ABLIM1: variants seen among roughly 807,000 people sequenced by gnomAD.
ABLIM1 encodes the protein actin binding LIM protein 1, also known as actin-binding LIM protein 1.
Under a neutral mutation model 107.0 loss-of-function variants are expected in ABLIM1, and 40 were observed. The ratio of observed to expected loss-of-function variants is 0.37; its 90% CI spans 0.29 to 0.49. The LOEUF is 0.49. Ranked by LOEUF, ABLIM1 falls within the 20% of genes least tolerant of loss-of-function variation. The pLI, the probability that ABLIM1 is intolerant of heterozygous loss-of-function variation, is 0.97. For missense variants in ABLIM1, 857 were observed against 1,008.5 expected, an observed-to-expected ratio of 0.85 and a Z score of 2.04; for synonymous variants, 357 against 357.3, an observed-to-expected ratio of 1.00 and a Z score of 0.01.
the ABLIM1 span, among the ~76,000 whole-genome samples, chr10:114,798,556 A>ACACC: frequency 1.6e-5 from 2 of 125,996 alleles, no homozygotes; most frequent in African/African-American, 6.5e-5. Context: ...AGATGATGAG[A>ACACC]CCCCCCCCCC....
intron 4 of ABLIM1, among the ~76,000 whole-genome samples, chr10:114,552,671 C>T (rs372332549): frequency 1.1e-3 from 174 of 152,260 alleles, no homozygotes; most frequent in African/African-American, 3.8e-3. Context: ...AATTAATATC[C>T]TTGACAATAG....
chr10:114,461,577 A>G (rs1330285394), intron 12 of ABLIM1, among the ~76,000 whole-genome samples: 4 of 152,088 alleles, frequency 2.6e-5, no homozygotes, highest in African/African-American at 4.8e-5. Context: ...CCAGCACGTT[A>G]GGAGGTCAAG....
chr10:114,799,779 A>AT, the ABLIM1 span, among the ~76,000 whole-genome samples: 6,720 of 150,058 alleles, frequency 0.045, 210 homozygotes, highest in African/African-American at 0.079. Context: ...ATCTGGAATG[A>AT]TTTTTTTTTT....
chr10:114,702,115 G>A (rs2081318287), intron 1 of ABLIM1, among the ~76,000 whole-genome samples: 1 of 151,948 alleles, frequency 6.6e-6, no homozygotes. Context: ...TAATAGTTTG[G>A]GCTTAAAAAA....
intron 1 of ABLIM1, among the ~76,000 whole-genome samples, chr10:114,730,252 G>A (rs79826969): frequency 0.04 from 6,151 of 151,964 alleles, 438 homozygotes; most frequent in African/African-American, 0.14. Flanking sequence ...ACAAAAATTA[G>A]CCAGGTGTGG....
intron 1 of ABLIM1, among the ~76,000 whole-genome samples, chr10:114,625,162 G>T (rs961448588): frequency 1.2e-4 from 19 of 152,174 alleles, no homozygotes; most frequent in African/African-American, 4.3e-4. Flanking sequence ...AAATCCAAGG[G>T]CAGGTAGGGG....
intron 1 of ABLIM1, among the ~76,000 whole-genome samples, chr10:114,744,771 C>A (rs1046016835): frequency 6.6e-6 from 1 of 152,162 alleles, no homozygotes; most frequent in African/African-American, 2.4e-5. Flanking sequence ...TTTTGGGTAG[C>A]ATCATTCTTT....
intron 15 of ABLIM1, among the ~76,000 whole-genome samples, chr10:114,447,664 G>C (rs2061218921): frequency 6.6e-6 from 1 of 152,204 alleles, no homozygotes; most frequent in Non-Finnish European, 1.5e-5. Flanking sequence ...AGTGGGTTTG[G>C]TTAGAACAAG....
chr10:114,627,242 C>CT, intron 1 of ABLIM1, among the ~76,000 whole-genome samples: 1 of 152,240 alleles, frequency 6.6e-6, no homozygotes, highest in East Asian at 1.9e-4. Context: ...CTACCATTCT[C>CT]TTTTCATTTC....
intron 12 of ABLIM1, chr10:114,463,080 G>T: frequency 7.5e-7 from 1 of 1,341,090 alleles, no homozygotes; most frequent in East Asian, 4.7e-5. Flanking sequence ...TCGGAAAGGG[G>T]GGTTGGGGCG....
intron 11 of ABLIM1, among the ~76,000 whole-genome samples, chr10:114,466,616 C>G (rs188788118): frequency 1.3e-5 from 2 of 152,160 alleles, no homozygotes; most frequent in Non-Finnish European, 2.9e-5. Context: ...TCGTTCTGAC[C>G]ACCAACCAAA....
chr10:114,520,037 A>T (rs1246920621), intron 6 of ABLIM1, among the ~76,000 whole-genome samples: 1 of 151,918 alleles, frequency 6.6e-6, no homozygotes, highest in Non-Finnish European at 1.5e-5. Context: ...ACAACAAGGG[A>T]CTCCATCCCT....
chr10:114,631,849 C>T, intron 1 of ABLIM1: 1 of 1,298,850 alleles, frequency 7.7e-7, no homozygotes, highest in Non-Finnish European at 1.0e-6. Flanking sequence ...CCGAGCCCTG[C>T]GGTGCCATTC....
In ABLIM1 at chr10:114,451,656, AT is replaced by A; in HGVS notation, c.1561del (p.Ile521PhefsTer58). ...HFHVPDQGIN[I>X]YRKPPIYKQH... The stretch of plus-strand genomic sequence containing the variant: ...TTTGTAGATGGGTGGCTTTCGGTAA[AT>A]GTTGATTCCTTGATCTGTGGAAATG... On this transcript the variant is annotated frameshift_variant, in exon 14 of 23. Transcript: ENST00000533213. LOFTEE classifies it high-confidence loss of function. 1 of 1,613,332 alleles carries A rather than the reference AT, an allele frequency of 6.2e-7. No individual in the cohort carries two copies. The highest frequency in any genetic ancestry group is 8.5e-7 in the Non-Finnish European group (1 of 1,179,604).
chr10:114,776,287 T>C, the ABLIM1 span: 2 of 152,176 alleles, frequency 1.3e-5, no homozygotes, highest in Non-Finnish European at 2.9e-5. Flanking sequence ...TGTTGTACCT[T>C]TGAAGGTAAA....
chr10:114,613,573 A>C (rs556587643), intron 1 of ABLIM1: 13 of 852,628 alleles, frequency 1.5e-5, no homozygotes, highest in South Asian at 9.9e-5. Flanking sequence ...AGTGCTTATA[A>C]ATTTCAGAAA....
the ABLIM1 span, among the ~76,000 whole-genome samples, chr10:114,786,826 G>A: frequency 6.6e-6 from 1 of 152,202 alleles, no homozygotes; most frequent in East Asian, 1.9e-4. Flanking sequence ...GAGTGCAGTG[G>A]CGTGATCTCG....
At chr10:114,584,182 T>C (rs1346534881) in intron 2 of ABLIM1, among the ~76,000 whole-genome samples, 1 of 144,432 alleles carries the variant, frequency 6.9e-6, no homozygotes, top group Non-Finnish European at 1.5e-5. Context: ...CCTTTCTGCC[T>C]GACTACACCA....
intron 6 of ABLIM1, among the ~76,000 whole-genome samples, chr10:114,510,195 T>G (rs1035575200): frequency 1.3e-5 from 2 of 152,182 alleles, no homozygotes; most frequent in Non-Finnish European, 2.9e-5. Flanking sequence ...GAAGCTACTC[T>G]CAAACTTCTC....
Sources: gnomAD v4.1 joint callset for allele counts (sites outside exome capture counted in the v4.1 genomes callset) on GRCh38, gnomAD v4.1.1 for gene constraint, MANE v1.5 for transcripts, NCBI Gene and HGNC (gene_info 2026-07-23, HGNC 2026-07-21) for gene names.